PPT1: variants seen among roughly 807,000 people sequenced by gnomAD.
The protein encoded by PPT1 is ceroid-palmitoyl-palmitoyl-protein thioesterase 1.
A neutral mutation model predicts 44.0 loss-of-function variants in PPT1; 24 were observed. The ratio of observed to expected loss-of-function variants is 0.54; its 90% CI spans 0.39 to 0.77. The LOEUF is 0.77. Ranked by LOEUF, PPT1 falls within the 30% of genes least tolerant of loss-of-function variation. The pLI is 0.00. For missense variants in PPT1, 341 were observed against 378.8 expected (o/e 0.90, Z 0.83); for synonymous variants, 148 against 140.2 (o/e 1.06, Z -0.39).
intron 6 of PPT1, 23 bp downstream of exon 6, chr1:40,080,373 TG>T (rs1227392628): frequency 6.2e-7 from 1 of 1,604,292 alleles, no homozygotes; most frequent in African/African-American, 1.3e-5. Context: ...CGCACATCTA[TG>T]GGAGCCCGGT....
In PPT1 at chr1:40,095,116, T is replaced by C. The variant is rs139752870; in HGVS notation, c.124+1999A>G. Among the ~76,000 whole-genome samples, 9 of 152,348 alleles carry C rather than the reference T, an allele frequency of 5.9e-5. No individual in the cohort carries two copies. In the East Asian group the frequency reaches 1.7e-3, roughly 29 times the overall value. On this transcript the variant is annotated intron_variant, in intron 1 of 8. Coordinates refer to ENST00000642050, the MANE Select transcript of PPT1 (RefSeq NM_000310.4). ...CAATAATCAGTTGTCAGCCTTTATC[T>C]TCCTTGACCCATTAACATTTGATAC...
intron 4 of PPT1, among the ~76,000 whole-genome samples, chr1:40,090,436 A>G (rs1186349462): frequency 4.8e-5 from 4 of 83,736 alleles, no homozygotes; most frequent in South Asian, 4.0e-4. Context: ...ATAGGTGCAT[A>G]TGTGTATATA....
chr1:40,075,958 C>CAAAAAA (rs56338772), intron 8 of PPT1, among the ~76,000 whole-genome samples: 37 of 41,846 alleles, frequency 8.8e-4, no homozygotes, highest in African/African-American at 3.2e-3. Flanking sequence ...AAGACTGTCT[C>CAAAAAA]AAAAAAAAAA....
intron 1 of PPT1, among the ~76,000 whole-genome samples, chr1:40,096,081 T>TAA (rs1649825381): frequency 6.6e-6 from 1 of 152,236 alleles, no homozygotes. Context: ...TCCCATTTAC[T>TAA]GTTCCTTCTA....
chr1:40,088,143 CTTTTTTT>C (rs869306144), intron 5 of PPT1, among the ~76,000 whole-genome samples: 3 of 139,714 alleles, frequency 2.1e-5, no homozygotes, highest in Non-Finnish European at 4.7e-5. Context: ...ACCATCAAAA[CTTTTTTT>C]TTTTTTTTTT....
chr1:40,085,345 C>T (rs555992598), intron 5 of PPT1, among the ~76,000 whole-genome samples: 12 of 152,322 alleles, frequency 7.9e-5, no homozygotes, highest in African/African-American at 2.9e-4. Context: ...CTTTACCTAT[C>T]ATGGGAGATG....
At chr1:40,088,114 T>G (rs1649357765) in intron 5 of PPT1, among the ~76,000 whole-genome samples, 2 of 151,638 alleles carry the variant, frequency 1.3e-5, no homozygotes, top group African/African-American at 2.4e-5. Context: ...CCAGCTATCA[T>G]CAAGAGCACG....
chr1:40,091,423 G>GC (rs1649557899), intron 3 of PPT1, 24 bp from the exon 4 acceptor site: 10 of 1,581,964 alleles, frequency 6.3e-6, no homozygotes, highest in Non-Finnish European at 7.8e-6. Flanking sequence ...GGGAGTTTTA[G>GC]CTCCGACTGT....
chr1:40,073,506 G>A lies in PPT1; in HGVS notation c.*555C>T. The A allele has an allele frequency of 6.5e-6, 1 of 152,972 alleles. No homozygotes were observed. The highest frequency in any genetic ancestry group is 6.4e-5 in the Admixed American group (1 of 15,574). The allele number at this position is 152,972 out of a possible 1,614,324, so 9.5% of individuals were successfully genotyped here. Reference sequence around the variant, plus strand: ...CAGAAGCAAGACTGTAGGCCAGTGGGATTTGTCTAATAATTGATGATAAGA... The same window carrying A: ...CAGAAGCAAGACTGTAGGCCAGTGGAATTTGTCTAATAATTGATGATAAGA... On this transcript the variant is annotated 3_prime_UTR_variant, in exon 9 of 9. Transcript: ENST00000642050.
At chr1:40,089,295 A>AAAAAAAAAAAAAAAAT in intron 5 of PPT1, 115 bp downstream of exon 5, 3 of 605,564 alleles carry the variant, frequency 5.0e-6, no homozygotes, top group Non-Finnish European at 5.9e-6. Flanking sequence ...TCAAAAAAAA[A>AAAAAAAAAAAAAAAAT]GATCTCATTT....
At chr1:40,086,457 A>C (rs533358165) in intron 5 of PPT1, among the ~76,000 whole-genome samples, 1 of 152,168 alleles carries the variant, frequency 6.6e-6, no homozygotes, top group African/African-American at 2.4e-5. Flanking sequence ...TGCTAAGGTT[A>C]AGTTATCTGA....
chr1:40,094,018 C>A, intron 1 of PPT1: 1 of 699,936 alleles, frequency 1.4e-6, no homozygotes. Context: ...CATAACGAGA[C>A]CCTGTCTCAA....
At chr1:40,083,568 A>C (rs3122432) in intron 5 of PPT1, among the ~76,000 whole-genome samples, 4,283 of 152,310 alleles carry the variant, frequency 0.028, 91 homozygotes, top group Non-Finnish European at 0.042. Context: ...GAGATGTACA[A>C]AGAGATTAAT....
In PPT1 at chr1:40,091,356, G is replaced by A. The variant is rs954814546; in HGVS notation, c.406C>T (p.Leu136=). The A allele has an allele frequency of 6.2e-7, 1 of 1,613,958 alleles. No individual in the cohort carries two copies. Among genetic ancestry groups the A allele is most frequent in the Non-Finnish European group, 8.5e-7 (1 of 1,179,992 alleles). ...TGATGTTGTCCCCCAACCGAGATCA[G>A]ATTGATCATGGGAGGTGAAGGGCAT... is the stretch of plus-strand genomic sequence containing the variant. ...QRCPSPPMIN[L]ISVGGQHQGV... Residue 136 remains leucine (L), a synonymous_variant, in exon 4 of 9, where the codon CTG becomes TTG. Transcript: ENST00000642050.
intron 5 of PPT1, among the ~76,000 whole-genome samples, chr1:40,087,116 T>TA: frequency 6.6e-6 from 1 of 152,174 alleles, no homozygotes; most frequent in East Asian, 1.9e-4. Flanking sequence ...TATGATCTCT[T>TA]ACCTCCTCTC....
chr1:40,082,893 T>C (rs1649046344), intron 5 of PPT1, among the ~76,000 whole-genome samples: 1 of 152,246 alleles, frequency 6.6e-6, no homozygotes, highest in Non-Finnish European at 1.5e-5. Context: ...GAGAAGTCAA[T>C]GCCTGGCTTC....
At chr1:40,083,025 T>C (rs928249918) in intron 5 of PPT1, among the ~76,000 whole-genome samples, 1 of 152,206 alleles carries the variant, frequency 6.6e-6, no homozygotes, top group Non-Finnish European at 1.5e-5. Context: ...TACGCTAAAT[T>C]ACTCTGCCTG....
chr1:40,086,084 G>A (rs1166177534), intron 5 of PPT1, among the ~76,000 whole-genome samples: 6 of 152,232 alleles, frequency 3.9e-5, no homozygotes, highest in Non-Finnish European at 5.9e-5. Context: ...GGGGCCCAGA[G>A]CAGACCTGGG....
intron 5 of PPT1, among the ~76,000 whole-genome samples, chr1:40,086,146 T>A (rs191875563): frequency 1.3e-5 from 2 of 152,276 alleles, no homozygotes; most frequent in African/African-American, 4.8e-5. Context: ...TCTAGCTTCC[T>A]CTGAGCTGGT....
Sources: allele counts gnomAD v4.1 joint callset (sites outside exome capture counted in the v4.1 genomes callset), GRCh38; gene constraint gnomAD v4.1.1; transcripts MANE v1.5; gene names NCBI Gene and HGNC (gene_info 2026-07-23, HGNC 2026-07-21).